Variants in C1orf21 observed in about 807,000 individuals in gnomAD.
C1orf21 encodes uncharacterized protein C1orf21.
A neutral mutation model predicts 18.7 loss-of-function variants in C1orf21; 3 were observed. That is an observed-to-expected ratio of 0.16 (90% CI 0.07 to 0.42). The LOEUF is 0.42. Ranked by LOEUF, C1orf21 falls within the 10% of genes least tolerant of loss-of-function variation. The pLI, the probability that C1orf21 is intolerant of heterozygous loss-of-function variation, is 0.99. For missense variants in C1orf21, 104 were observed against 143.6 expected (o/e 0.72, Z 1.41); for synonymous variants, 41 against 46.4 (o/e 0.88, Z 0.47).
intron 3 of C1orf21, among the ~76,000 whole-genome samples, chr1:184,522,648 A>G (rs538510168): frequency 6.6e-6 from 1 of 152,328 alleles, no homozygotes; most frequent in South Asian, 2.1e-4. Flanking sequence ...AGATTACACT[A>G]TTAATCTAGT....
At chr1:184,611,327 T>A (rs996687129) in intron 5 of C1orf21, among the ~76,000 whole-genome samples, 5 of 152,202 alleles carry the variant, frequency 3.3e-5, no homozygotes, top group African/African-American at 1.2e-4. Context: ...TGCTCTGTGA[T>A]TAAAGAGGCT....
intron 1 of C1orf21, among the ~76,000 whole-genome samples, chr1:184,416,456 T>C (rs560314557): frequency 3.3e-5 from 5 of 152,314 alleles, no homozygotes; most frequent in South Asian, 2.1e-4. Flanking sequence ...TGGGAAATGC[T>C]GTCTTCCAAG....
At chr1:184,571,382 T>C (rs1052362269) in intron 3 of C1orf21, among the ~76,000 whole-genome samples, 15 of 151,878 alleles carry the variant, frequency 9.9e-5, no homozygotes, top group African/African-American at 2.9e-4. Flanking sequence ...ATGCAGTTCA[T>C]CGGTGACCAA....
chr1:184,599,022 A>T (rs1042939759), intron 5 of C1orf21, among the ~76,000 whole-genome samples: 5 of 152,114 alleles, frequency 3.3e-5, no homozygotes, highest in African/African-American at 1.2e-4. Context: ...GGTCTGTCTG[A>T]CTCCAAAGCA....
chr1:184,428,404 A>G (rs1656674864), intron 1 of C1orf21, among the ~76,000 whole-genome samples: 1 of 152,206 alleles, frequency 6.6e-6, no homozygotes, highest in African/African-American at 2.4e-5. Context: ...ACCAGAAGAA[A>G]TAATTCTTTT....
In C1orf21 at chr1:184,387,816, G is replaced by A. The variant is rs1381153737; in HGVS notation, c.-125+448G>A. ...GCTTGAAAGGAAAAACACAATTTAG[G>A]ATCCTTTGCTAAGTATCCAAGTCCC... On this transcript the variant is annotated intron_variant, in intron 1 of 5. Coordinates refer to ENST00000235307, the MANE Select transcript of C1orf21 (RefSeq NM_030806.4). The surrounding 1 kb of genome is among the most constrained non-coding windows in gnomAD (Gnocchi z 5.6). Among the ~76,000 whole-genome samples the A allele has an allele frequency of 6.6e-6, 1 of 152,210 alleles. No homozygotes were observed. Among genetic ancestry groups the A allele is most frequent in the Non-Finnish European group, 1.5e-5 (1 of 68,036 alleles).
intron 1 of C1orf21, among the ~76,000 whole-genome samples, chr1:184,439,392 G>A (rs547264545): frequency 5.3e-5 from 8 of 150,840 alleles, no homozygotes; most frequent in African/African-American, 2.0e-4. Context: ...GTTCAGTGAG[G>A]ATAATGAAAT....
At chr1:184,597,550 A>G (rs1382823140) in intron 4 of C1orf21, among the ~76,000 whole-genome samples, 1 of 152,134 alleles carries the variant, frequency 6.6e-6, no homozygotes, top group African/African-American at 2.4e-5. Context: ...CACTGATAGT[A>G]ACTAAAGGAA....
chr1:184,509,554 A>G (rs1658113507), intron 3 of C1orf21, among the ~76,000 whole-genome samples: 1 of 152,110 alleles, frequency 6.6e-6, no homozygotes, highest in Non-Finnish European at 1.5e-5. Context: ...GTTATTTGGT[A>G]ATTTGTTGTC....
intron 1 of C1orf21, among the ~76,000 whole-genome samples, chr1:184,400,280 A>G (rs1013364047): frequency 2.0e-5 from 3 of 152,162 alleles, no homozygotes; most frequent in African/African-American, 7.2e-5. Flanking sequence ...AGACCACAGT[A>G]CAGTTGTTAG....
intron 4 of C1orf21, among the ~76,000 whole-genome samples, chr1:184,593,923 T>C (rs1339205814): frequency 1.3e-5 from 2 of 152,102 alleles, no homozygotes; most frequent in Admixed American, 6.5e-5. Context: ...TAAAAACAAC[T>C]GAAATAATCT....
In C1orf21 at chr1:184,392,819, CTTTTTTTTTT is replaced by C. The variant is rs397861528; in HGVS notation, c.-125+5466_-125+5475del. 3.1e-3 allele frequency among the ~76,000 whole-genome samples: 304 copies of C among 96,854 alleles called. 7 individuals carry two copies. The South Asian group carries it at 0.057, about 18-fold the overall frequency. 63.5% of individuals were successfully genotyped at this position (96,854 alleles called of 152,430 possible). A position where few individuals can be genotyped will look rare whatever the true frequency, so the allele number is the denominator to read the frequency against. On this transcript the variant is annotated intron_variant, in intron 1 of 5. Coordinates refer to ENST00000235307, the MANE Select transcript of C1orf21 (RefSeq NM_030806.4). Reference sequence around the variant, plus strand: ...AGATTTTTATCCATAGACATTCCTCCTTTTTTTTTTTTTTTTTTTTTTTTCTTGAGACAGG... The same window carrying C: ...AGATTTTTATCCATAGACATTCCTCCTTTTTTTTTTTTTTCTTGAGACAGG...
intron 3 of C1orf21, among the ~76,000 whole-genome samples, chr1:184,507,921 T>G (rs923640982): frequency 1.3e-5 from 2 of 152,196 alleles, no homozygotes; most frequent in East Asian, 3.8e-4. Flanking sequence ...TATTCGTGTT[T>G]TAAAATAGCT....
intron 1 of C1orf21, among the ~76,000 whole-genome samples, chr1:184,476,449 A>G (rs1657572279): frequency 6.6e-6 from 1 of 152,204 alleles, no homozygotes; most frequent in African/African-American, 2.4e-5. Flanking sequence ...GGAGTAAGTC[A>G]TCTATAGGCC....
intron 3 of C1orf21, among the ~76,000 whole-genome samples, chr1:184,579,962 G>A (rs1484737334): frequency 6.6e-6 from 1 of 152,142 alleles, no homozygotes; most frequent in Non-Finnish European, 1.5e-5. Flanking sequence ...TTAATGAGAG[G>A]AATGAGCAGG....
At chr1:184,566,957 A>G (rs1232350813) in intron 3 of C1orf21, 5 of 527,880 alleles carry the variant, frequency 9.5e-6, no homozygotes, top group Non-Finnish European at 1.2e-5. Flanking sequence ...AAATAAGTCC[A>G]CCTTCTCTGT....
intron 2 of C1orf21, among the ~76,000 whole-genome samples, chr1:184,502,056 C>T (rs777118310): frequency 6.6e-6 from 1 of 152,110 alleles, no homozygotes; most frequent in African/African-American, 2.4e-5. Context: ...ACATATTTTA[C>T]AAAATGATAA....
At chr1:184,421,096 C>T (rs1441114846) in intron 1 of C1orf21, among the ~76,000 whole-genome samples, 10 of 152,060 alleles carry the variant, frequency 6.6e-5, no homozygotes, top group African/African-American at 1.2e-4. Flanking sequence ...CATTTCTCCC[C>T]GACCCAAGAT....
chr1:184,451,439 C>G (rs907400753), intron 1 of C1orf21, among the ~76,000 whole-genome samples: 1 of 150,492 alleles, frequency 6.6e-6, no homozygotes, highest in African/African-American at 2.5e-5. Flanking sequence ...TGTAGGCATA[C>G]ACCATCATGC....
Sources: gnomAD v4.1 joint callset for allele counts (sites outside exome capture counted in the v4.1 genomes callset) on GRCh38, gnomAD v4.1.1 for gene constraint, Gnocchi (gnomAD v3.1) non-coding constraint, MANE v1.5 for transcripts, NCBI Gene and HGNC (gene_info 2026-07-23, HGNC 2026-07-21) for gene names.